Variants in UNC93B1 observed in about 807,000 individuals in gnomAD.
UNC93B1 encodes the protein protein unc-93 homolog B1.
In UNC93B1, 33 loss-of-function variants were observed where a neutral mutation model predicts 56.8. The observed-to-expected ratio is 0.58, with a 90% CI of 0.44 to 0.78. The LOEUF is 0.78. Among genes scored for constraint, UNC93B1 ranks in the 30% least tolerant of loss-of-function variants. UNC93B1 has a pLI of 0.00. For synonymous variants in UNC93B1, 334 were observed against 358.6 expected (o/e 0.93, Z 0.77); for missense variants, 673 against 819.5 (o/e 0.82, Z 2.18).
At chr11:67,998,330 C>T in intron 6 of UNC93B1, 29 bp downstream of exon 6, 1 of 1,612,554 alleles carries the variant, frequency 6.2e-7, no homozygotes, top group Non-Finnish European at 8.5e-7. Context: ...GCTTTGTGGA[C>T]TCCTCCCCAA....
rs1245329512 is a variant in UNC93B1 at position 67,991,549 on chromosome 11, C to G, written c.1791G>C (p.Gln597His). The G allele has an allele frequency of 1.1e-5, 16 of 1,449,404 alleles. No homozygotes were observed. The highest frequency in any genetic ancestry group is 1.4e-5 in the Non-Finnish European group (15 of 1,107,022). 89.8% of individuals were successfully genotyped at this position (1,449,404 alleles called of 1,614,324 possible). A position where few individuals can be genotyped will look rare whatever the true frequency, so the allele number is the denominator to read the frequency against. The change falls in exon 11 of 11, where the codon CAG (glutamine) becomes CAC (histidine). Residue 597 changes from glutamine (Q) to histidine (H), a missense_variant. By Grantham distance (24) the Gln-to-His change is conservative. Coordinates refer to ENST00000227471, the MANE Select transcript of UNC93B1 (RefSeq NM_030930.4). ...QAQGGDGPEE[Q>H] ...AGTCCGGGGACCAGGCGGCCCCTCACTGCTCCTCCGGCCCGTCTCCCCCCT... is the reference window on the plus strand; with the variant it reads ...AGTCCGGGGACCAGGCGGCCCCTCAGTGCTCCTCCGGCCCGTCTCCCCCCT...
chr11:67,992,106 A>T (rs531471892), intron 10 of UNC93B1, among the ~76,000 whole-genome samples: 4 of 152,256 alleles, frequency 2.6e-5, no homozygotes, highest in Admixed American at 6.5e-5. Flanking sequence ...TAAGGGGACA[A>T]TGCAAATCCC....
At position 67,996,848 on chromosome 11, in the gene UNC93B1, C is replaced by T. The variant is rs926976488; in HGVS notation, c.907-64G>A. On this transcript the variant is annotated intron_variant, in intron 7 of 10. Transcript: ENST00000227471. ...CAGGCCTGGCCTCCAGGCTTCAGCC[C>T]CGCCCTTCAGATGCACCACGTGCCT... The T allele has an allele frequency of 2.1e-6, 3 of 1,446,688 alleles. No individual in the cohort carries two copies. In the African/African-American group the frequency reaches 4.3e-5, roughly 21 times the overall value. The allele number at this position is 1,446,688 out of a possible 1,614,324, so 89.6% of individuals were successfully genotyped here. A position where few individuals can be genotyped will look rare whatever the true frequency, so the allele number is the denominator to read the frequency against.
Position 67,999,545 on chromosome 11 carries a change from C to A in UNC93B1, c.528G>T (p.Trp176Cys), listed in dbSNP as rs1857008852. ...TGGTGATGTAGTTGCCCATGGAAGC[C>A]CAAAGAGGCACGATGGCCATGCCCA... ...VALGMAIVPLWASMGNYITRM... is the reference protein window; with the variant it reads ...VALGMAIVPLCASMGNYITRM... Residue 176 changes from tryptophan to cysteine, a missense_variant, in exon 4 of 11, where the codon TGG (tryptophan) becomes TGT (cysteine). Trp to Cys is a radical substitution (Grantham distance 215). This residue lies in a region of UNC93B1 where 438 missense variants were observed against 465.9 expected (regional missense o/e 0.94). Coordinates refer to ENST00000227471, the MANE Select transcript of UNC93B1 (RefSeq NM_030930.4). 12 of 1,562,446 alleles carry A rather than the reference C, an allele frequency of 7.7e-6. No individual in the cohort carries two copies. Among genetic ancestry groups the A allele is most frequent in the Non-Finnish European group, 1.0e-5 (12 of 1,154,056 alleles).
chr11:67,998,324 T>G (rs770490180), intron 6 of UNC93B1, 35 bp downstream of exon 6: 3 of 1,610,498 alleles, frequency 1.9e-6, no homozygotes, highest in Non-Finnish European at 2.5e-6. Flanking sequence ...AAGCAGGCTT[T>G]GTGGACTCCT....
Position 68,003,957 on chromosome 11 carries a change from G to T in UNC93B1, c.87C>A (p.Pro29=). 12 of 1,389,854 alleles carry T rather than the reference G, an allele frequency of 8.6e-6. No homozygotes were observed. The highest frequency in any genetic ancestry group is 7.7e-5 in the South Asian group (5 of 64,690). 86.1% of individuals were successfully genotyped at this position (1,389,854 alleles called of 1,614,324 possible). ...DEDLLGVPDG[P]EAPLDELVGA... is the part of the protein sequence containing the mutation. ...CCGGGTCCCCGCTCACCGGGGCCTC[G>T]GGCCCGTCCGGGACCCCGAGCAGGT... The change falls in exon 1 of 11, where the codon CCC becomes CCA. Residue 29 remains proline, a synonymous_variant. Transcript: ENST00000227471. The surrounding 1 kb of genome is among the most constrained non-coding windows in gnomAD (Gnocchi z 4.4).
rs1290650397 is a variant in UNC93B1 at position 68,003,678 on chromosome 11, G to A, written c.217C>T (p.Leu73Phe). The change falls in exon 2 of 11, where the codon CTC becomes TTC. Residue 73 changes from leucine (L) to phenylalanine (F), a missense_variant. By Grantham distance (22) the Leu-to-Phe change is conservative. Coordinates refer to ENST00000227471, the MANE Select transcript of UNC93B1 (RefSeq NM_030930.4). This position sits in a 1 kb window ranked among gnomAD's most constrained non-coding sequence, Gnocchi z 4.4. Reference protein sequence around the residue: ...NVLAASAGGMLTYGVYLGLLQ... With the variant: ...NVLAASAGGMFTYGVYLGLLQ... ...CTACCCAGGTAGACGCCGTAGGTGA[G>A]CATGCCCCCGGCGCTGGCAGCCAGC... The A allele has an allele frequency of 3.3e-6, 5 of 1,529,490 alleles. No individual in the cohort carries two copies. The highest frequency in any genetic ancestry group is 3.5e-6 in the Non-Finnish European group (4 of 1,143,282). The allele number at this position is 1,529,490 out of a possible 1,614,324, so 94.7% of individuals were successfully genotyped here.
intron 7 of UNC93B1, chr11:67,997,465 A>C (rs1026000332): frequency 1.6e-5 from 13 of 795,502 alleles, no homozygotes; most frequent in Non-Finnish European, 2.1e-5. Flanking sequence ...CTCGGACCAC[A>C]GGCCTCAGCC....
rs574468521 is a variant in UNC93B1, at chr11:67,992,700, T to A, written c.1483-843A>T. Among the ~76,000 whole-genome samples, 234 of 145,912 alleles carry A rather than the reference T, an allele frequency of 1.6e-3. 2 individuals carry two copies. The highest frequency in any genetic ancestry group is 3.2e-4 in the Non-Finnish European group (21 of 66,628). ...TTTTTTGGAAGACAGAGTCTCGCTCTGTCCTCCAGGCTGAAGTGCGGTGGC... is the reference window on the plus strand; with the variant it reads ...TTTTTTGGAAGACAGAGTCTCGCTCAGTCCTCCAGGCTGAAGTGCGGTGGC... On this transcript the variant is annotated intron_variant, in intron 10 of 10. Transcript: ENST00000227471.
At position 67,996,670 on chromosome 11, in the gene UNC93B1, G is replaced by A. The variant is rs1856952496; in HGVS notation, c.1021C>T (p.Arg341Cys). 1.3e-6 allele frequency: 2 copies of A among 1,551,556 alleles called. No homozygotes were observed. Among genetic ancestry groups the A allele is most frequent in the Non-Finnish European group, 1.7e-6 (2 of 1,146,904 alleles). Residue 341 changes from arginine to cysteine, a missense_variant, in exon 8 of 11, where the codon CGC becomes TGC. Arg to Cys is a radical substitution (Grantham distance 180). Coordinates refer to ENST00000227471, the MANE Select transcript of UNC93B1 (RefSeq NM_030930.4). ...PFKHVRDYRL[R>C]HLVPFFIYSG... ...TAGATAAAGAAAGGCACGAGGTGGC[G>A]CAGGCGGTAGTCACGCACGTGCTTG...
chr11:67,995,431 C>T (rs1014982446), intron 9 of UNC93B1, among the ~76,000 whole-genome samples, 180 bp downstream of exon 9: 3 of 152,080 alleles, frequency 2.0e-5, no homozygotes, highest in African/African-American at 7.3e-5. Context: ...TAAGACTTCC[C>T]TTCCACCCCC....
At chr11:67,994,791 C>T (rs1455150347) in intron 9 of UNC93B1, among the ~76,000 whole-genome samples, 1 of 152,242 alleles carries the variant, frequency 6.6e-6, no homozygotes, top group Non-Finnish European at 1.5e-5. Context: ...ACCTCGGCTA[C>T]TCCACACCCC....
In UNC93B1 at chr11:67,999,308, G is replaced by A; in HGVS notation, c.555-3C>T. On this transcript the variant is annotated splice_polypyrimidine_tract_variant and splice_region_variant and intron_variant, in intron 4 of 10. Coordinates refer to ENST00000227471, the MANE Select transcript of UNC93B1 (RefSeq NM_030930.4). ...ACTCATGGTACTTCTGCGCCATCCT[G>A]GACCACAAAGGAGAGAAGGCTCTCC... 5 of 1,610,732 alleles carry A rather than the reference G, an allele frequency of 3.1e-6. No individual in the cohort carries two copies. Among genetic ancestry groups the A allele is most frequent in the Non-Finnish European group, 4.2e-6 (5 of 1,178,596 alleles).
In UNC93B1 at chr11:68,003,027, G is replaced by A. The variant is rs777702343; in HGVS notation, c.387C>T (p.Leu129=). Reference sequence around the variant, plus strand: ...ACAGGAGCAGCCGCGCCCACCTGATGAGCACAGGTGTGTAGAGCAGGGCGG... The same window carrying A: ...ACAGGAGCAGCCGCGCCCACCTGATAAGCACAGGTGTGTAGAGCAGGGCGG... The part of the protein sequence containing the change: ...PIAALLYTPV[L]IRFFGTKWMM... The change falls in exon 3 of 11, where the codon CTC becomes CTT. Residue 129 remains leucine, a synonymous_variant. Transcript: ENST00000227471. This position sits in a 1 kb window ranked among gnomAD's most constrained non-coding sequence, Gnocchi z 4.4. 6.2e-7 allele frequency: 1 copy of A among 1,610,140 alleles called. No individual in the cohort carries two copies. Among genetic ancestry groups the A allele is most frequent in the Admixed American group, 1.7e-5 (1 of 59,626 alleles).
rs1856974133 is a variant in UNC93B1 at position 67,997,744 on chromosome 11, G to T, written c.837C>A (p.Leu279=). The T allele has an allele frequency of 1.9e-6, 3 of 1,610,212 alleles. No individual in the cohort carries two copies. The highest frequency in any genetic ancestry group is 2.2e-5 in the South Asian group (2 of 91,064). Residue 279 remains leucine (L), a synonymous_variant, in exon 7 of 11, where the codon CTC becomes CTA. Transcript: ENST00000227471. ...CCACAATGAGGTTTCCGCTCCGCGG[G>T]AGCGTCCGCAGAACCGTCTTGTTGA... is the stretch of plus-strand genomic sequence containing the variant. The part of the protein sequence containing the change: ...SGFNKTVLRT[L]PRSGNLIVVE...
intron 7 of UNC93B1, among the ~76,000 whole-genome samples, chr11:67,997,012 G>C (rs1212688133): frequency 6.6e-6 from 1 of 151,276 alleles, no homozygotes; most frequent in Non-Finnish European, 1.5e-5. Flanking sequence ...TCCGAAAGAC[G>C]GTGGTCTTGC....
At chr11:67,996,932 CCA>C in intron 7 of UNC93B1, 148 bp from the exon 8 acceptor site, 1 of 1,008,078 alleles carries the variant, frequency 9.9e-7, no homozygotes, top group Non-Finnish European at 1.4e-6. Context: ...TGAGACACTC[CCA>C]CAGACCCAGG....
chr11:67,996,896 C>T, intron 7 of UNC93B1, 112 bp from the exon 8 acceptor site: 2 of 1,318,738 alleles, frequency 1.5e-6, no homozygotes, highest in Non-Finnish European at 2.0e-6. Flanking sequence ...AGCTCGGCCC[C>T]GCCTCCCAAA....
At chr11:67,992,495 C>G (rs1184157152) in intron 10 of UNC93B1, among the ~76,000 whole-genome samples, 1 of 152,048 alleles carries the variant, frequency 6.6e-6, no homozygotes, top group Admixed American at 6.6e-5. Context: ...CACGCCACTA[C>G]GCCCAGCTAT....
Sources: gnomAD v4.1 joint callset for allele counts (sites outside exome capture counted in the v4.1 genomes callset) on GRCh38, gnomAD v4.1.1 for gene constraint, gnomAD v4.1.1 regional missense constraint, Gnocchi (gnomAD v3.1) non-coding constraint, MANE v1.5 for transcripts, NCBI Gene and HGNC (gene_info 2026-07-23, HGNC 2026-07-21) for gene names.